ASAH1: variants seen among roughly 807,000 people sequenced by gnomAD.
ASAH1 encodes acid ceramidase.
A neutral mutation model predicts 59.5 loss-of-function variants in ASAH1; 70 were observed. The ratio of observed to expected loss-of-function variants is 1.18; its 90% CI spans 0.97 to 1.43. The LOEUF is 1.43. Ranked by LOEUF, ASAH1 falls within the 40% of genes most tolerant of loss-of-function variation. The pLI, the probability that ASAH1 is intolerant of heterozygous loss-of-function variation, is 0.00. For synonymous variants in ASAH1, 213 were observed against 166.5 expected, an observed-to-expected ratio of 1.28 and a Z score of -2.15; for missense variants, 660 against 482.5, an observed-to-expected ratio of 1.37 and a Z score of -3.45.
At chr8:18,072,086 G>A (rs965543983) in intron 2 of ASAH1, among the ~76,000 whole-genome samples, 3 of 152,192 alleles carry the variant, frequency 2.0e-5, no homozygotes, top group African/African-American at 7.2e-5. Flanking sequence ...GTGAAGCTGG[G>A]CCATATTTCT....
At position 18,066,949 on chromosome 8, in the gene ASAH1, G is replaced by C. The variant is rs1393717054; in HGVS notation, c.382+271C>G. On this transcript the variant is annotated intron_variant, in intron 5 of 13. Coordinates refer to ENST00000637790, the MANE Select transcript of ASAH1 (RefSeq NM_177924.5). ...GCAAAACTAATCTATAGTGACATCA[G>C]AATAGTGTTTACTGGAGGAGGCAGT... 11 of 397,668 alleles carry C rather than the reference G, an allele frequency of 2.8e-5. No individual in the cohort carries two copies. In the Admixed American group the frequency reaches 3.9e-4, roughly 14 times the overall value. 24.6% of individuals were successfully genotyped at this position (397,668 alleles called of 1,614,324 possible).
At chr8:18,082,544 C>A (rs545735558) in intron 1 of ASAH1, 1 of 152,278 alleles carries the variant, frequency 6.6e-6, no homozygotes, top group African/African-American at 2.4e-5. Flanking sequence ...GCACAAAACA[C>A]CAAACATCCC....
intron 5 of ASAH1, chr8:18,065,882 T>TTTTGTG (rs148853633): frequency 7.0e-6 from 1 of 143,542 alleles, no homozygotes; most frequent in East Asian, 2.0e-4. Context: ...CAGATACACA[T>TTTTGTG]TGTGTGTGTG....
chr8:18,084,726 A>C (rs1800824216), upstream of ASAH1: 1 of 1,613,758 alleles, frequency 6.2e-7, no homozygotes, highest in African/African-American at 1.3e-5. Context: ...GCCTCGGTGA[A>C]AAGCGCGCTG....
intron 1 of ASAH1, among the ~76,000 whole-genome samples, chr8:18,083,592 C>G (rs1002872103): frequency 6.6e-6 from 1 of 152,236 alleles, no homozygotes; most frequent in Non-Finnish European, 1.5e-5. Context: ...GAGAAAGCAC[C>G]TGACCATCAG....
intron 5 of ASAH1, chr8:18,066,837 A>T (rs1369990463): frequency 7.8e-6 from 2 of 257,368 alleles, no homozygotes; most frequent in African/African-American, 4.3e-5. Flanking sequence ...CTGTTGATAC[A>T]ATAGCACACC....
chr8:18,066,577 A>G (rs904740170), intron 5 of ASAH1: 2 of 152,272 alleles, frequency 1.3e-5, no homozygotes, highest in South Asian at 2.1e-4. Context: ...GACTGACACT[A>G]TCGAGAGGAG....
rs754703716 is a variant in ASAH1, at chr8:18,083,981, C to T, written c.78G>A (p.Pro26=). 5 of 1,597,446 alleles carry T rather than the reference C, an allele frequency of 3.1e-6. No individual in the cohort carries two copies. The African/African-American group carries it at 5.3e-5, about 17-fold the overall frequency. ...TGCGCCTCGGCTCAAGCTCACTCAC[C>T]GGCGGCGCGTGCTGCGCGACGGCAC... ...VSCAVAQHAP[P]WTEDCRKSTY... The change falls in exon 1 of 14, where the codon CCG becomes CCA. Residue 26 remains proline (P), a splice_region_variant and synonymous_variant. Coordinates refer to ENST00000637790, the MANE Select transcript of ASAH1 (RefSeq NM_177924.5).
chr8:18,075,228 T>C lies in ASAH1; in HGVS notation c.125+313A>G, dbSNP rs145067130. ...CAGCATGGTCTCGATCTCCTGACCT[T>C]ATGATTTACCCGCCTCGGCCTCCCA... On this transcript the variant is annotated intron_variant, in intron 2 of 13. Transcript: ENST00000637790. 0.11 allele frequency among the ~76,000 whole-genome samples: 16,039 copies of C among 151,874 alleles called. 944 individuals carry two copies. Among genetic ancestry groups the C allele is most frequent in the African/African-American group, 0.14 (5,779 of 41,420 alleles).
intron 5 of ASAH1, 57 bp from the exon 6 acceptor site, chr8:18,064,588 T>A: frequency 1.9e-6 from 2 of 1,038,182 alleles, no homozygotes; most frequent in Non-Finnish European, 2.9e-6. Context: ...GGGAGAAAAA[T>A]TTGTTTTAAG....
chr8:18,077,606 C>A (rs757318163), intron 1 of ASAH1, among the ~76,000 whole-genome samples: 1 of 152,114 alleles, frequency 6.6e-6, no homozygotes, highest in South Asian at 2.1e-4. Context: ...ATGCTTTGTT[C>A]TTTAATTGAT....
Position 18,058,542 on chromosome 8 carries a change from T to C in ASAH1, c.1098+293A>G, listed in dbSNP as rs1440503403. On this transcript the variant is annotated intron_variant, in intron 13 of 13. Coordinates refer to ENST00000637790, the MANE Select transcript of ASAH1 (RefSeq NM_177924.5). ...TTTGTTGACATTTAGGTGTTAGTTA[T>C]ATAGTGTGAGATTTTTAATAGATAC... The C allele has an allele frequency of 2.0e-5, 8 of 401,026 alleles. No individual in the cohort carries two copies. The Admixed American group carries it at 2.8e-4, about 14-fold the overall frequency. 24.8% of individuals were successfully genotyped at this position (401,026 alleles called of 1,614,324 possible).
intron 1 of ASAH1, among the ~76,000 whole-genome samples, chr8:18,082,824 A>G (rs1800712265): frequency 6.6e-6 from 1 of 152,158 alleles, no homozygotes; most frequent in Non-Finnish European, 1.5e-5. Flanking sequence ...CCCTGACAGT[A>G]TCAAAGTATC....
rs1282338144 is a variant in ASAH1, at chr8:18,084,007, A to C, written c.52T>G (p.Cys18Gly). The C allele has an allele frequency of 1.1e-5, 17 of 1,598,316 alleles. No individual in the cohort carries two copies. The highest frequency in any genetic ancestry group is 1.4e-5 in the Non-Finnish European group (17 of 1,179,546). ...GGCGGCGCGTGCTGCGCGACGGCAC[A>C]GCTGACGGCGGCAGCCAGGAGGACT... ...ALVLLAAAVS[C>G]AVAQHAPPWT... The change falls in exon 1 of 14, where the codon TGT becomes GGT. Residue 18 changes from cysteine to glycine, a missense_variant. Transcript: ENST00000637790.
At chr8:18,079,296 C>T (rs1368591608) in intron 1 of ASAH1, among the ~76,000 whole-genome samples, 2 of 113,532 alleles carry the variant, frequency 1.8e-5, no homozygotes, top group Non-Finnish European at 3.9e-5. Flanking sequence ...AAACAAAAAA[C>T]TCTCTGGAAA....
chr8:18,062,173 G>A, intron 8 of ASAH1, 106 bp downstream of exon 8: 1 of 1,462,312 alleles, frequency 6.8e-7, no homozygotes, highest in South Asian at 1.1e-5. Context: ...GGTGAAATGG[G>A]GCTTCATATT....
intron 5 of ASAH1, 77 bp downstream of exon 5, chr8:18,067,143 A>ATATCTAAGACATACAGCACCTGTGCTGTC: frequency 1.5e-6 from 2 of 1,321,248 alleles, no homozygotes; most frequent in South Asian, 1.3e-5. Flanking sequence ...CCTGTGCTGT[A>ATATCTAAGACATACAGCACCTGTGCTGTC]TGTATATCAC....
intron 1 of ASAH1, chr8:18,075,938 A>G (rs1800385857): frequency 2.8e-6 from 1 of 356,594 alleles, no homozygotes; most frequent in East Asian, 7.2e-5. Flanking sequence ...AGGATGTATT[A>G]TCTGCACTTA....
In ASAH1 at chr8:18,059,723, A is replaced by T. The variant is rs768497019; in HGVS notation, c.786-20T>A. The stretch of plus-strand genomic sequence containing the variant: ...TCATAACTATATAGAAACATTTAAA[A>T]AGAAAAATGAAACTTTTTTTTAATT... On this transcript the variant is annotated intron_variant, in intron 10 of 13. Transcript: ENST00000637790. 20 of 1,582,050 alleles carry T rather than the reference A, an allele frequency of 1.3e-5. No individual in the cohort carries two copies. The highest frequency in any genetic ancestry group is 1.7e-5 in the Non-Finnish European group (20 of 1,165,834).
Sources: allele counts gnomAD v4.1 joint callset (sites outside exome capture counted in the v4.1 genomes callset), GRCh38; gene constraint gnomAD v4.1.1; transcripts MANE v1.5; gene names NCBI Gene and HGNC (gene_info 2026-07-23, HGNC 2026-07-21).